The following KIF7 variants were observed in gnomAD, a reference collection of about 807,000 sequenced individuals.
The protein encoded by KIF7 is kinesin family member 7.
A neutral mutation model predicts 135.7 loss-of-function variants in KIF7; 104 were observed. The observed-to-expected ratio is 0.77, with a 90% CI of 0.65 to 0.90. The LOEUF (loss-of-function observed/expected upper bound fraction) is 0.90. Among genes scored for constraint, KIF7 ranks in the 40% least tolerant of loss-of-function variants. The probability of loss-of-function intolerance (pLI) is 0.00; values close to 1 mark genes in which losing one functional copy is unlikely to be tolerated. For synonymous variants in KIF7, 883 were observed against 809.4 expected, an observed-to-expected ratio of 1.09 and a Z score of -1.54; for missense variants, 2,005 against 1,839.1, an observed-to-expected ratio of 1.09 and a Z score of -1.65.
intron 10 of KIF7, among the ~76,000 whole-genome samples, chr15:89,644,520 CAAAA>C (rs558842403): frequency 7.9e-6 from 1 of 126,800 alleles, no homozygotes; most frequent in African/African-American, 2.9e-5. Context: ...ACTAAAAATA[CAAAA>C]AAAAAAAAAA....
upstream of KIF7, among the ~76,000 whole-genome samples, chr15:89,655,657 A>G (rs906342043): frequency 3.3e-5 from 5 of 151,664 alleles, no homozygotes; most frequent in Non-Finnish European, 7.4e-5. Flanking sequence ...GCATCGCCTT[A>G]TTTTCTAGAA....
At chr15:89,631,374 A>C in intron 15 of KIF7, 121 bp downstream of exon 15, 1 of 884,158 alleles carries the variant, frequency 1.1e-6, no homozygotes, top group Non-Finnish European at 1.7e-6. Flanking sequence ...CTAACAGTGA[A>C]AACTTGGGTC....
chr15:89,628,564 C>T lies in KIF7; in HGVS notation c.3887G>A (p.Arg1296Gln), dbSNP rs201363681. 26 of 1,613,428 alleles carry T rather than the reference C, an allele frequency of 1.6e-5. No individual in the cohort carries two copies. Among genetic ancestry groups the T allele is most frequent in the South Asian group, 1.1e-4 (10 of 91,086 alleles). Reference sequence around the variant, plus strand: ...CCCCACCAGGGGCTCAGCCGCCTCCCGCTGCCTCAGTTCCTCGGGGGACCC... The same window carrying T: ...CCCCACCAGGGGCTCAGCCGCCTCCTGCTGCCTCAGTTCCTCGGGGGACCC... ...EQGSPEELRQ[R>Q]EAAEPLVGRV... Residue 1296 changes from arginine to glutamine, a missense_variant, in exon 19 of 19, where the codon CGG becomes CAG. Arg to Gln is a conservative substitution (Grantham distance 43, BLOSUM62 1). Coordinates refer to ENST00000394412, the MANE Select transcript of KIF7 (RefSeq NM_198525.3).
intron 11 of KIF7, among the ~76,000 whole-genome samples, chr15:89,638,810 G>C (rs1391336817): frequency 6.6e-6 from 1 of 152,012 alleles, no homozygotes; most frequent in African/African-American, 2.4e-5. Context: ...AGTTCATATA[G>C]AACCAAAAAA....
chr15:89,626,848 A>G, downstream of KIF7: 1 of 1,280,564 alleles, frequency 7.8e-7, no homozygotes, highest in Non-Finnish European at 1.1e-6. Flanking sequence ...AGCAGTGCTG[A>G]TTTTCTTAAA....
intron 11 of KIF7, 108 bp from the exon 12 acceptor site, chr15:89,633,991 G>A (rs1963746295): frequency 8.7e-7 from 1 of 1,149,508 alleles, no homozygotes; most frequent in South Asian, 1.2e-5. Context: ...TGGGTAGGTG[G>A]GTGATAGACC....
At chr15:89,631,876 G>A (rs906811621) in intron 14 of KIF7, among the ~76,000 whole-genome samples, 166 bp from the exon 15 acceptor site, 1 of 152,232 alleles carries the variant, frequency 6.6e-6, no homozygotes, top group Non-Finnish European at 1.5e-5. Context: ...GAGACTCCAG[G>A]AGGCGGGGCT....
rs201152117 is a variant in KIF7, at chr15:89,645,991, C to A, written c.1824G>T (p.Leu608Phe). ...TTCCCAGCCTGTTCACCTCAGTCAG[C>A]AACTCAGCTCCAGCCTCCCTGCCAT... is the stretch of plus-strand genomic sequence containing the variant. ...VTNGREAGAE[L>F]LTEVNRLGSG... The change falls in exon 8 of 19, where the codon TTG (leucine) becomes TTT (phenylalanine). Residue 608 changes from leucine (L) to phenylalanine (F), a missense_variant. By Grantham distance (22) the Leu-to-Phe change is conservative. Transcript: ENST00000394412. The A allele has an allele frequency of 2.5e-6, 4 of 1,613,856 alleles. No homozygotes were observed. The highest frequency in any genetic ancestry group is 2.5e-6 in the Non-Finnish European group (3 of 1,180,006).
intron 10 of KIF7, among the ~76,000 whole-genome samples, chr15:89,644,530 A>T (rs1306867301): frequency 6.6e-6 from 1 of 151,834 alleles, no homozygotes; most frequent in Non-Finnish European, 1.5e-5. Flanking sequence ...CAAAAAAAAA[A>T]AAAAATTAGG....
At chr15:89,637,984 G>C (rs1963844710) in intron 11 of KIF7, among the ~76,000 whole-genome samples, 1 of 109,632 alleles carries the variant, frequency 9.1e-6, no homozygotes, top group Admixed American at 8.8e-5. Flanking sequence ...GATCAAGTGG[G>C]CTTCATCCCT....
chr15:89,632,190 C>T (rs1030934191), intron 14 of KIF7, among the ~76,000 whole-genome samples: 2 of 152,206 alleles, frequency 1.3e-5, no homozygotes, highest in Non-Finnish European at 2.9e-5. Context: ...GGCTCCTGGC[C>T]TCTGCGGGCC....
chr15:89,647,508 A>T (rs1297824899), intron 6 of KIF7, 88 bp downstream of exon 6: 4 of 1,180,774 alleles, frequency 3.4e-6, no homozygotes, highest in Non-Finnish European at 5.0e-6. Flanking sequence ...CCCTACCCTA[A>T]CTCCCTCCCA....
chr15:89,624,396 T>A, downstream of KIF7: 1 of 1,614,158 alleles, frequency 6.2e-7, no homozygotes, highest in Non-Finnish European at 8.5e-7. Flanking sequence ...CAACTCCCCC[T>A]GAACTCTCAC....
Position 89,630,419 on chromosome 15 carries a change from G to C in KIF7, c.3186C>G (p.Ala1062=), listed in dbSNP as rs1442155780. The C allele has an allele frequency of 1.2e-6, 2 of 1,606,268 alleles. No homozygotes were observed. The highest frequency in any genetic ancestry group is 2.7e-5 in the African/African-American group (2 of 74,830). Reference sequence around the variant, plus strand: ...GAAGCACCCGCTGGCGGCATGTGATGGCCTCATTCTTATACTCAATGGCAG... The same window carrying C: ...GAAGCACCCGCTGGCGGCATGTGATCGCCTCATTCTTATACTCAATGGCAG... ...LDAAIEYKNE[A]ITCRQRVLRA... Residue 1062 remains alanine (A), a synonymous_variant, in exon 16 of 19, where the codon GCC becomes GCG. Coordinates refer to ENST00000394412, the MANE Select transcript of KIF7 (RefSeq NM_198525.3).
intron 1 of KIF7, among the ~76,000 whole-genome samples, chr15:89,622,971 T>A (rs1358826682): frequency 6.6e-6 from 1 of 152,214 alleles, no homozygotes; most frequent in Non-Finnish European, 1.5e-5. Context: ...TATGCCCCAC[T>A]GAACAGGAAA....
chr15:89,624,855 T>C (rs780832989), downstream of KIF7: 173 of 1,613,922 alleles, frequency 1.1e-4, no homozygotes, highest in Admixed American at 1.5e-4. Context: ...CCTGTGGGCC[T>C]GGCTCTCCTC....
rs765350587 is a variant in KIF7 at position 89,649,805 on chromosome 15, G to A, written c.465C>T (p.Asp155=). 5.4e-5 allele frequency: 84 copies of A among 1,551,804 alleles called. No individual in the cohort carries two copies. The African/African-American group carries it at 1.0e-3, about 19-fold the overall frequency. The change falls in exon 3 of 19, where the codon GAC becomes GAT. Residue 155 remains aspartate, a synonymous_variant. Coordinates refer to ENST00000394412, the MANE Select transcript of KIF7 (RefSeq NM_198525.3). ...YLEVYKEEFR[D]LLEVGTASRD... Reference sequence around the variant, plus strand: ...GGCTGGCAGTGCCCACCTCGAGCAGGTCTCGGAACTCCTCCTTGTACACTT... The same window carrying A: ...GGCTGGCAGTGCCCACCTCGAGCAGATCTCGGAACTCCTCCTTGTACACTT...
At chr15:89,619,793 G>A (rs776961807) in intron 1 of KIF7, 10 of 1,613,716 alleles carry the variant, frequency 6.2e-6, no homozygotes, top group Middle Eastern at 1.6e-4. Flanking sequence ...TGTCTCAGCC[G>A]AAGTCTCGAA....
rs553968087 is a variant in KIF7, at chr15:89,648,521, C to A, written c.1177G>T (p.Gly393Cys). 395 of 1,132,710 alleles carry A rather than the reference C, an allele frequency of 3.5e-4. 9 individuals are homozygous for A. The South Asian group carries it at 9.0e-3, about 26-fold the overall frequency. 70.2% of individuals were successfully genotyped at this position (1,132,710 alleles called of 1,614,324 possible). ...GCCGCCGCGGAGGCGGTGGCTGGGCCTGGGGCGCGCCGGCCGCGGTGGATG... is the reference window on the plus strand; with the variant it reads ...GCCGCCGCGGAGGCGGTGGCTGGGCATGGGGCGCGCCGGCCGCGGTGGATG... ...RIIHRGRRAP[G>C]PATASAAAAM... The change falls in exon 5 of 19, where the codon GGC becomes TGC. Residue 393 changes from glycine to cysteine, a missense_variant. Coordinates refer to ENST00000394412, the MANE Select transcript of KIF7 (RefSeq NM_198525.3).
Sources: gnomAD v4.1 joint callset for allele counts (sites outside exome capture counted in the v4.1 genomes callset) on GRCh38, gnomAD v4.1.1 for gene constraint, MANE v1.5 for transcripts, NCBI Gene and HGNC (gene_info 2026-07-23, HGNC 2026-07-21) for gene names.